Variants in GREP1 observed in about 807,000 individuals in gnomAD.
GREP1 encodes glycine rich extracellular protein 1, also known as glycine-rich extracellular protein 1.
In GREP1 at chr16:2,992,227, A is replaced by C. The variant is rs929036397; in HGVS notation, c.323-578A>C. The C allele has an allele frequency of 6.6e-6, 1 of 152,292 alleles. No homozygotes were observed. The highest frequency in any genetic ancestry group is 6.5e-5 in the Admixed American group (1 of 15,268). 9.4% of individuals were successfully genotyped at this position (152,292 alleles called of 1,614,324 possible). On this transcript the variant is annotated intron_variant, in intron 8 of 34. Transcript: ENST00000573315. The surrounding 1 kb of genome is among the most constrained non-coding windows in gnomAD (Gnocchi z 4.9). ...AGAAGACACAGGGAAGAACCAGGGG[A>C]TATCAGAGGTCCAGAAGGCAGAAAG... is the stretch of plus-strand genomic sequence containing the variant.
rs2072418807 is a variant in GREP1, at chr16:2,995,279, C to T, written c.485-5C>T. 2.5e-6 allele frequency: 1 copy of T among 399,020 alleles called. No individual in the cohort carries two copies. Among genetic ancestry groups the T allele is most frequent in the Non-Finnish European group, 4.4e-6 (1 of 226,106 alleles). 24.7% of individuals were successfully genotyped at this position (399,020 alleles called of 1,614,324 possible). On this transcript the variant is annotated splice_region_variant and splice_polypyrimidine_tract_variant and intron_variant, in intron 13 of 34. Transcript: ENST00000573315. ...GTACCTCATCTGCTCCCCATTTTCC[C>T]AAAGGCTTTAGAGGGGACATGAAGG...
intron 17 of GREP1, 30 bp downstream of exon 17, chr16:2,995,801 C>G (rs2072421659): frequency 7.5e-6 from 3 of 398,526 alleles, no homozygotes; most frequent in Non-Finnish European, 8.8e-6. Context: ...GTCTGCCTCT[C>G]TATGCACGAA....
chr16:2,999,061 C>G (rs2072443880), intron 26 of GREP1, 82 bp downstream of exon 24: 1 of 398,858 alleles, frequency 2.5e-6, no homozygotes, highest in Non-Finnish European at 4.4e-6. Flanking sequence ...CCATATCCCA[C>G]TCTGTCCTCG....
At chr16:2,988,848 G>A (rs2151088540) in intron 2 of GREP1, 2 of 393,582 alleles carry the variant, frequency 5.1e-6, no homozygotes, top group South Asian at 1.4e-4. Flanking sequence ...CCTGAGGACG[G>A]GCCTGGGCAG....
chr16:2,991,147 G>T lies in GREP1; in HGVS notation c.322+46G>T, dbSNP rs531753637. On this transcript the variant is annotated intron_variant, in intron 8 of 34. Coordinates refer to ENST00000573315, the Ensembl canonical transcript of GREP1. This position sits in a 1 kb window ranked among gnomAD's most constrained non-coding sequence, Gnocchi z 4.9. Reference sequence around the variant, plus strand: ...GCAGGACCTGGGCTTCCAGGAGGGAGGGGGAAGGGGCAGAGCAGAGTCAGG... The same window carrying T: ...GCAGGACCTGGGCTTCCAGGAGGGATGGGGAAGGGGCAGAGCAGAGTCAGG... The T allele has an allele frequency of 5.0e-6, 2 of 399,270 alleles. No homozygotes were observed. Among genetic ancestry groups the T allele is most frequent in the African/African-American group, 2.1e-5 (1 of 48,738 alleles). The allele number at this position is 399,270 out of a possible 1,614,324, so 24.7% of individuals were successfully genotyped here.
At chr16:3,001,527 C>T (rs2072462173) in intron 34 of GREP1, 34 bp from the exon 29 acceptor site, 8 of 398,998 alleles carry the variant, frequency 2.0e-5, no homozygotes, top group Admixed American at 1.3e-4. Flanking sequence ...ACCAGGGCCC[C>T]GCCCCTCCCT....
At chr16:2,988,464 G>A (rs1187592047) in intron 1 of GREP1, 124 bp downstream of exon 1, 1 of 399,154 alleles carries the variant, frequency 2.5e-6, no homozygotes, top group East Asian at 3.6e-5. Flanking sequence ...GGTGTGGAAA[G>A]CCTGGTCTGG....
intron 10 of GREP1, chr16:2,993,730 C>G (rs906147354): frequency 6.6e-6 from 1 of 151,838 alleles, no homozygotes; most frequent in African/African-American, 2.4e-5. Flanking sequence ...GAGGCTGAGG[C>G]GGGTGGATCA....
At chr16:2,997,173 C>T in intron 21 of GREP1, 88 bp downstream of exon 20, 1 of 398,984 alleles carries the variant, frequency 2.5e-6, no homozygotes, top group Non-Finnish European at 4.4e-6. Flanking sequence ...CATCGGCATT[C>T]AGGAGGGGGC....
intron 14 of GREP1, 26 bp downstream of exon 15, chr16:2,995,342 G>A (rs947171875): frequency 2.5e-6 from 1 of 398,886 alleles, no homozygotes. Flanking sequence ...CCGGGCTTCT[G>A]TCTCCCCAGT....
exon 35 of GREP1, chr16:3,001,726 C>T: frequency 2.5e-6 from 1 of 398,422 alleles, no homozygotes; most frequent in Non-Finnish European, 4.4e-6. Context: ...ATGCAAGGGG[C>T]TTGCTGACCA....
At chr16:3,000,006 T>C in intron 28 of GREP1, 63 bp downstream of exon 25, 1 of 399,142 alleles carries the variant, frequency 2.5e-6, no homozygotes, top group Non-Finnish European at 4.4e-6. Flanking sequence ...CTCTTCCTTC[T>C]GCCATCCCAG....
chr16:2,996,119 G>A (rs2072423211), intron 18 of GREP1, among the ~76,000 whole-genome samples: 2 of 152,170 alleles, frequency 1.3e-5, no homozygotes, highest in South Asian at 2.1e-4. Flanking sequence ...TTTTGGTAGA[G>A]ACAGGATTTC....
At chr16:2,999,726 A>G (rs1353296375) in intron 27 of GREP1, among the ~76,000 whole-genome samples, 176 bp from the exon 25 acceptor site, 1 of 152,192 alleles carries the variant, frequency 6.6e-6, no homozygotes, top group Non-Finnish European at 1.5e-5. Context: ...TGCTGGGATT[A>G]CAGGCGTGAG....
Position 2,988,572 on chromosome 16 carries a change from A to C in GREP1, c.68-18A>C, listed in dbSNP as rs941475132. 1.0e-5 allele frequency: 4 copies of C among 399,020 alleles called. No individual in the cohort carries two copies. The highest frequency in any genetic ancestry group is 1.8e-5 in the Non-Finnish European group (4 of 226,168). 24.7% of individuals were successfully genotyped at this position (399,020 alleles called of 1,614,324 possible). ...CTGGGGTCCCCAGCCTTGAGTCAGC[A>C]CTGTCTTGCTTCCGCAGGGCTGCCC... On this transcript the variant is annotated intron_variant, in intron 1 of 34. Transcript: ENST00000573315.
rs945919523 is a variant in GREP1 at position 2,990,867 on chromosome 16, G to A, written c.269-181G>A. 9.2e-5 allele frequency among the ~76,000 whole-genome samples: 14 copies of A among 152,254 alleles called. No homozygotes were observed. The East Asian group carries it at 1.5e-3, about 17-fold the overall frequency. On this transcript the variant is annotated intron_variant, in intron 7 of 34. Transcript: ENST00000573315. ...TGTGGAGCAGGGAGCCCAGGGCGGG[G>A]AGGTGGGGCCCCTTCATCTGCCCAT...
chr16:2,988,941 GA>G (rs2072385022), intron 2 of GREP1: 1 of 341,922 alleles, frequency 2.9e-6, no homozygotes, highest in African/African-American at 2.1e-5. Flanking sequence ...GGAGGGAGGG[GA>G]CAAGGAGAAC....
chr16:2,995,780 C>T lies in GREP1; in HGVS notation c.622+9C>T, dbSNP rs946706879. The T allele has an allele frequency of 2.3e-5, 9 of 398,542 alleles. No individual in the cohort carries two copies. The highest frequency in any genetic ancestry group is 1.8e-4 in the Admixed American group (4 of 22,710). 24.7% of individuals were successfully genotyped at this position (398,542 alleles called of 1,614,324 possible). On this transcript the variant is annotated intron_variant, in intron 17 of 34. Transcript: ENST00000573315. ...GAAGCCTCTGAAGCCAGGTGAGCCC[C>T]GCCCGCCCTGGTCTGCCTCTCTATG...
At chr16:2,995,863 G>A in exon 18 of GREP1, 1 of 398,370 alleles carries the variant, frequency 2.5e-6, no homozygotes, top group Non-Finnish European at 4.4e-6. Context: ...CCAGGATATG[G>A]GAAAAGGCTG....
Sources: allele counts gnomAD v4.1 joint callset (sites outside exome capture counted in the v4.1 genomes callset), GRCh38; gene constraint gnomAD v4.1.1; non-coding constraint Gnocchi (gnomAD v3.1); transcripts MANE v1.5; gene names NCBI Gene and HGNC (gene_info 2026-07-23, HGNC 2026-07-21).